RPL3L: variants seen among roughly 807,000 people sequenced by gnomAD.
RPL3L encodes the protein ribosomal protein L3 like.
RPL3L carries 44 observed loss-of-function variants against 44.5 expected under a neutral mutation model. The observed-to-expected ratio is 0.99, with a 90% CI of 0.78 to 1.27. The LOEUF is 1.27. Among genes scored for constraint, RPL3L ranks in the 50% most tolerant of loss-of-function variants. RPL3L has a pLI of 0.00. For synonymous variants in RPL3L, 292 were observed against 230.7 expected (o/e 1.27, Z -2.41); for missense variants, 631 against 569.1 (o/e 1.11, Z -1.11).
chr16:1,948,531 T>C (rs1382703050), intron 4 of RPL3L, among the ~76,000 whole-genome samples: 1 of 151,854 alleles, frequency 6.6e-6, no homozygotes, highest in East Asian at 1.9e-4. Flanking sequence ...GCCTGATTTT[T>C]ATTTTTTTAT....
intron 4 of RPL3L, among the ~76,000 whole-genome samples, chr16:1,950,156 G>A (rs1268939262): frequency 3.3e-5 from 5 of 149,370 alleles, no homozygotes; most frequent in Admixed American, 6.7e-5. Flanking sequence ...GGTATGTATG[G>A]GGTGGGTATG....
At chr16:1,952,738 C>G in intron 3 of RPL3L, 136 bp downstream of exon 3, 1 of 989,308 alleles carries the variant, frequency 1.0e-6, no homozygotes, top group Non-Finnish European at 1.5e-6. Flanking sequence ...CACAGACACT[C>G]CTACCTCCCA....
intron 1 of RPL3L, among the ~76,000 whole-genome samples, 182 bp downstream of exon 1, chr16:1,954,447 A>C (rs959301015): frequency 9.2e-5 from 14 of 152,020 alleles, no homozygotes; most frequent in Non-Finnish European, 1.5e-4. Flanking sequence ...CCATCTGTTC[A>C]TCTCCAGGGC....
In RPL3L at chr16:1,954,154, G is replaced by A. The variant is rs761893389; in HGVS notation, c.4-6C>T. The A allele has an allele frequency of 1.3e-6, 2 of 1,566,806 alleles. No individual in the cohort carries two copies. Among genetic ancestry groups the A allele is most frequent in the African/African-American group, 1.3e-5 (1 of 74,332 alleles). On this transcript the variant is annotated splice_region_variant and splice_polypyrimidine_tract_variant and intron_variant, in intron 1 of 9. Coordinates refer to ENST00000268661, the MANE Select transcript of RPL3L (RefSeq NM_005061.3). ...GCGGAAAACTTCCGGTGGGACTGGG[G>A]GGCAGGAAGGAAGGAGGTCAGACCT...
intron 1 of RPL3L, 56 bp downstream of exon 1, chr16:1,954,573 A>G: frequency 7.6e-7 from 1 of 1,309,260 alleles, no homozygotes; most frequent in Admixed American, 2.2e-5. Flanking sequence ...CAGCTGTCCC[A>G]CCCCCCCAGA....
chr16:1,954,272 TC>T, intron 1 of RPL3L, 124 bp from the exon 2 acceptor site: 1 of 1,075,306 alleles, frequency 9.3e-7, no homozygotes, highest in Non-Finnish European at 1.3e-6. Flanking sequence ...GCTCAGCACC[TC>T]CCCTGTCTGC....
In RPL3L at chr16:1,950,846, G is replaced by A; in HGVS notation, c.499C>T (p.Gln167Ter). 1 of 1,614,100 alleles carries A rather than the reference G, an allele frequency of 6.2e-7. No individual in the cohort carries two copies. Among genetic ancestry groups the A allele is most frequent in the Non-Finnish European group, 8.5e-7 (1 of 1,179,968 alleles). Residue 167 changes from glutamine (Q) to a stop codon, truncating the protein, a stop_gained and splice_region_variant, in exon 4 of 10, where the codon CAG becomes TAG. Transcript: ENST00000268661. LOFTEE classifies it high-confidence loss of function. ...ACAGCGGAGGGCCGGGGGCTGACCTGAGTGTGGACAATGACCCGAATGACC... is the reference window on the plus strand; with the variant it reads ...ACAGCGGAGGGCCGGGGGCTGACCTAAGTGTGGACAATGACCCGAATGACC... ...CKVIRVIVHT[Q>*]MKLLPFRQKK...
chr16:1,944,284 G>A lies in RPL3L; in HGVS notation c.*553C>T, dbSNP rs150398830. ...CTGACCCTCCCTAAGCTGCCCCTAA[G>A]ATCAGTGCTTGAGATATTTTGCCGA... On this transcript the variant is annotated 3_prime_UTR_variant, in exon 10 of 10. Coordinates refer to ENST00000268661, the MANE Select transcript of RPL3L (RefSeq NM_005061.3). 6.5e-6 allele frequency: 1 copy of A among 154,050 alleles called. No homozygotes were observed. The highest frequency in any genetic ancestry group is 1.4e-5 in the Non-Finnish European group (1 of 69,204). 9.5% of individuals were successfully genotyped at this position (154,050 alleles called of 1,614,324 possible).
In RPL3L at chr16:1,944,201, T is replaced by C. The variant is rs902922137; in HGVS notation, c.*636A>G. The C allele has an allele frequency of 1.1e-4, 17 of 152,366 alleles. No homozygotes were observed. Among genetic ancestry groups the C allele is most frequent in the Admixed American group, 1.1e-3 (17 of 15,276 alleles). 9.4% of individuals were successfully genotyped at this position (152,366 alleles called of 1,614,324 possible). ...CTAGATTGCATTTTTAGGACTAACATTAGCCACAATATTGGGAATTATGGT... is the reference window on the plus strand; with the variant it reads ...CTAGATTGCATTTTTAGGACTAACACTAGCCACAATATTGGGAATTATGGT... On this transcript the variant is annotated 3_prime_UTR_variant, in exon 10 of 10. Transcript: ENST00000268661.
At chr16:1,951,544 C>A (rs919278737) in intron 3 of RPL3L, among the ~76,000 whole-genome samples, 4 of 152,044 alleles carry the variant, frequency 2.6e-5, no homozygotes, top group African/African-American at 9.7e-5. Context: ...CCGTGCCCGG[C>A]TAATTTTTTG....
chr16:1,946,534 C>CA (rs35725974), intron 7 of RPL3L, 91 bp downstream of exon 7: 532,006 of 1,330,924 alleles, frequency 0.4, 112,592 homozygotes, highest in South Asian at 0.63. Context: ...ATGCCCCCTA[C>CA]ATGTATACCA....
In RPL3L at chr16:1,953,100, G is replaced by A. The variant is rs139844687; in HGVS notation, c.197-58C>T. On this transcript the variant is annotated intron_variant, in intron 2 of 9. Transcript: ENST00000268661. ...GGACCTCCTGAGGCCTGTGGGGGAGGGAGTGGAGAGCCGCCCACATAGGGG... is the reference window on the plus strand; with the variant it reads ...GGACCTCCTGAGGCCTGTGGGGGAGAGAGTGGAGAGCCGCCCACATAGGGG... 8.7e-4 allele frequency: 1,336 copies of A among 1,527,110 alleles called. 10 individuals are homozygous for A. The African/African-American group carries it at 0.016, about 18-fold the overall frequency. The allele number at this position is 1,527,110 out of a possible 1,614,324, so 94.6% of individuals were successfully genotyped here. A position where few individuals can be genotyped will look rare whatever the true frequency, so the allele number is the denominator to read the frequency against.
Position 1,946,745 on chromosome 16 carries a change from T to C in RPL3L, c.850-19A>G, listed in dbSNP as rs757450097. ...GGAAGATCTGCCAGAAGGGGGCACATGCCAGGGGCAGGAAGTGGCCTCTGA... is the reference window on the plus strand; with the variant it reads ...GGAAGATCTGCCAGAAGGGGGCACACGCCAGGGGCAGGAAGTGGCCTCTGA... On this transcript the variant is annotated intron_variant, in intron 6 of 9. Transcript: ENST00000268661. The C allele has an allele frequency of 1.1e-5, 18 of 1,611,202 alleles. No individual in the cohort carries two copies. The highest frequency in any genetic ancestry group is 1.4e-5 in the Non-Finnish European group (16 of 1,179,530).
chr16:1,946,540 T>C, intron 7 of RPL3L, 85 bp downstream of exon 7: 3 of 1,406,522 alleles, frequency 2.1e-6, no homozygotes, highest in Non-Finnish European at 3.0e-6. Flanking sequence ...CCTACATGTA[T>C]ACCAGGCCCC....
At position 1,953,000 on chromosome 16, in the gene RPL3L, T is replaced by C; in HGVS notation, c.239A>G (p.Glu80Gly). Residue 80 changes from glutamate (E) to glycine (G), a missense_variant, in exon 3 of 10, where the codon GAA becomes GGA. By Grantham distance (98) the Glu-to-Gly change is moderately conservative (BLOSUM62 -2). Coordinates refer to ENST00000268661, the MANE Select transcript of RPL3L (RefSeq NM_005061.3). Reference sequence around the variant, plus strand: ...GCCCACCACCACTAGGGGCGGCGTTTCTACAATTGTCACCGCCTCCACCTC... The same window carrying C: ...GCCCACCACCACTAGGGGCGGCGTTCCTACAATTGTCACCGCCTCCACCTC... ...REEVEAVTIV[E>G]TPPLVVVGVV... 5 of 1,610,000 alleles carry C rather than the reference T, an allele frequency of 3.1e-6. No individual in the cohort carries two copies. Among genetic ancestry groups the C allele is most frequent in the Non-Finnish European group, 4.2e-6 (5 of 1,178,318 alleles).
chr16:1,953,145 G>T, intron 2 of RPL3L, 103 bp from the exon 3 acceptor site: 3 of 1,261,444 alleles, frequency 2.4e-6, no homozygotes, highest in Non-Finnish European at 3.2e-6. Context: ...AGAGTGTGGG[G>T]CCAGCCAGGA....
intron 4 of RPL3L, 69 bp from the exon 5 acceptor site, chr16:1,947,449 C>A (rs2083132717): frequency 7.0e-7 from 1 of 1,438,840 alleles, no homozygotes. Flanking sequence ...CATGGCATGG[C>A]CAGCAGTGAC....
intron 4 of RPL3L, among the ~76,000 whole-genome samples, chr16:1,950,109 C>CGGGGCAGGTATGTAG: frequency 4.6e-5 from 1 of 21,886 alleles, no homozygotes; most frequent in Non-Finnish European, 9.0e-5. Context: ...CAGGTATGGA[C>CGGGGCAGGTATGTAG]GGGGCAGGTA....
At position 1,944,561 on chromosome 16, in the gene RPL3L, A is replaced by C. The variant is rs2083105655; in HGVS notation, c.*276T>G. 1 of 315,554 alleles carries C rather than the reference A, an allele frequency of 3.2e-6. No individual in the cohort carries two copies. The highest frequency in any genetic ancestry group is 2.1e-5 in the African/African-American group (1 of 46,556). The allele number at this position is 315,554 out of a possible 1,614,324, so 19.5% of individuals were successfully genotyped here. On this transcript the variant is annotated 3_prime_UTR_variant, in exon 10 of 10. Coordinates refer to ENST00000268661, the MANE Select transcript of RPL3L (RefSeq NM_005061.3). ...ACTCTCTCAAAAAAAAAAAAAAAAAAAACCTCTGCTCCGCAAATGCTCAAA... is the reference window on the plus strand; with the variant it reads ...ACTCTCTCAAAAAAAAAAAAAAAAACAACCTCTGCTCCGCAAATGCTCAAA...
Sources: gnomAD v4.1 joint callset for allele counts (sites outside exome capture counted in the v4.1 genomes callset) on GRCh38, gnomAD v4.1.1 for gene constraint, MANE v1.5 for transcripts, NCBI Gene and HGNC (gene_info 2026-07-23, HGNC 2026-07-21) for gene names.